OSBPL9: variants seen among roughly 807,000 people sequenced by gnomAD.
The protein encoded by OSBPL9 is oxysterol binding protein like 9, also known as oxysterol-binding protein-related protein 9.
Under a neutral mutation model 106.6 loss-of-function variants are expected in OSBPL9, and 40 were observed. The ratio of observed to expected loss-of-function variants is 0.38; its 90% CI spans 0.29 to 0.49. The LOEUF is 0.49. OSBPL9 is among the 20% of genes least tolerant of loss of function. The pLI, the probability that OSBPL9 is intolerant of heterozygous loss-of-function variation, is 0.97. For missense variants in OSBPL9, 609 were observed against 887.2 expected, an observed-to-expected ratio of 0.69 and a Z score of 3.98; for synonymous variants, 269 against 295.4, an observed-to-expected ratio of 0.91 and a Z score of 0.92.
intron 3 of OSBPL9, among the ~76,000 whole-genome samples, chr1:51,690,355 A>G (rs769271073): frequency 2.0e-4 from 30 of 152,236 alleles, no homozygotes; most frequent in Non-Finnish European, 4.0e-4. Flanking sequence ...GTTGCCCACT[A>G]CAGTGCTGAC....
intron 4 of OSBPL9, among the ~76,000 whole-genome samples, chr1:51,733,385 C>T (rs1367954381): frequency 1.3e-5 from 2 of 152,100 alleles, no homozygotes; most frequent in African/African-American, 4.8e-5. Context: ...AGGTTTTTCC[C>T]TGTGAGTTAA....
In OSBPL9 at chr1:51,653,987, G is replaced by A. The variant is rs528366982; in HGVS notation, c.162+1946G>A. On this transcript the variant is annotated intron_variant, in intron 2 of 23. Coordinates refer to ENST00000428468, the MANE Select transcript of OSBPL9 (RefSeq NM_024586.6). ...ACTGCCTTCCAGCCTGGGTGACAGAGTGAGACCCTGAGACCCTATCTGAAA... is the reference window on the plus strand; with the variant it reads ...ACTGCCTTCCAGCCTGGGTGACAGAATGAGACCCTGAGACCCTATCTGAAA... Among the ~76,000 whole-genome samples the A allele has an allele frequency of 1.4e-4, 21 of 151,572 alleles. 1 individual carries two copies. The South Asian group carries it at 4.4e-3, about 32-fold the overall frequency.
intron 3 of OSBPL9, among the ~76,000 whole-genome samples, chr1:51,695,448 C>T (rs1254382274): frequency 2.0e-5 from 3 of 152,166 alleles, no homozygotes; most frequent in South Asian, 2.1e-4. Context: ...CCTTATTTCC[C>T]CTGATTTTCA....
chr1:51,711,844 C>T (rs1380423862), intron 3 of OSBPL9, among the ~76,000 whole-genome samples: 1 of 151,222 alleles, frequency 6.6e-6, no homozygotes, highest in Non-Finnish European at 1.5e-5. Flanking sequence ...TCCTCACTTC[C>T]TAGATGTGAT....
At chr1:51,572,519 G>A (rs1261581220), upstream of OSBPL9, among the ~76,000 whole-genome samples, 1 of 152,166 alleles carries the variant, frequency 6.6e-6, no homozygotes, top group Admixed American at 6.6e-5. Context: ...ACATTTGGAT[G>A]TTATACAGTG....
At chr1:51,624,006 C>T (rs953088631) in intron 1 of OSBPL9, among the ~76,000 whole-genome samples, 1 of 152,008 alleles carries the variant, frequency 6.6e-6, no homozygotes, top group Non-Finnish European at 1.5e-5. Flanking sequence ...CCACCTCCAC[C>T]TCCTGGGTAG....
intron 14 of OSBPL9, among the ~76,000 whole-genome samples, chr1:51,775,186 G>T (rs979536959): frequency 3.3e-5 from 5 of 152,096 alleles, no homozygotes; most frequent in African/African-American, 1.2e-4. Context: ...TTTAAATGCT[G>T]AGAGTCTGAT....
chr1:51,610,399 T>C (rs962892065), intron 2 of OSBPL9, among the ~76,000 whole-genome samples: 1 of 152,132 alleles, frequency 6.6e-6, no homozygotes, highest in Non-Finnish European at 1.5e-5. Context: ...TAGCTGGGAT[T>C]ATAGGCGTGC....
chr1:51,631,036 T>C (rs1473840014), intron 1 of OSBPL9, among the ~76,000 whole-genome samples: 1 of 152,156 alleles, frequency 6.6e-6, no homozygotes, highest in African/African-American at 2.4e-5. Context: ...GTAAAGAAAG[T>C]TTGACACGAG....
At chr1:51,526,935 G>A in the OSBPL9 span, among the ~76,000 whole-genome samples, 4 of 151,842 alleles carry the variant, frequency 2.6e-5, no homozygotes, top group East Asian at 1.9e-4. Flanking sequence ...TAGTAGAGAC[G>A]GGGTTTCACC....
chr1:51,659,157 A>G (rs1045945918), intron 2 of OSBPL9, among the ~76,000 whole-genome samples: 5 of 152,178 alleles, frequency 3.3e-5, no homozygotes, highest in African/African-American at 1.2e-4. Flanking sequence ...CAGAATTAAT[A>G]TCAGACATAG....
chr1:51,654,138 T>C (rs1168095488), intron 2 of OSBPL9, among the ~76,000 whole-genome samples: 1 of 152,168 alleles, frequency 6.6e-6, no homozygotes, highest in East Asian at 1.9e-4. Context: ...TGCTGCAAAT[T>C]GGCAGCTGGA....
At chr1:51,553,919 T>A in the OSBPL9 span, among the ~76,000 whole-genome samples, 1 of 152,152 alleles carries the variant, frequency 6.6e-6, no homozygotes, top group South Asian at 2.1e-4. Flanking sequence ...CCTCAGGTGA[T>A]CCACCCGCCT....
At chr1:51,600,364 C>G (rs1184547446) in intron 2 of OSBPL9, among the ~76,000 whole-genome samples, 3 of 152,146 alleles carry the variant, frequency 2.0e-5, no homozygotes, top group Non-Finnish European at 4.4e-5. Context: ...ATCCTGAGTT[C>G]ATTGAGGCCA....
chr1:51,673,242 A>G (rs1044652649), intron 3 of OSBPL9, among the ~76,000 whole-genome samples: 1 of 152,226 alleles, frequency 6.6e-6, no homozygotes, highest in Non-Finnish European at 1.5e-5. Flanking sequence ...TGACAGATCA[A>G]ATAAGATGAG....
chr1:51,655,923 A>G (rs1240792479), intron 2 of OSBPL9, among the ~76,000 whole-genome samples: 7 of 152,258 alleles, frequency 4.6e-5, no homozygotes. Context: ...CGTGCATTTT[A>G]CTAGGCTTTG....
Position 51,775,652 on chromosome 1 carries a change from C to T in OSBPL9, c.1171-1181C>T, listed in dbSNP as rs1166501423. ...TAGAGATGGGGTCTTGCTCTGTCAC[C>T]CAGGCTGGAGTATAGTGGTGCAATC... On this transcript the variant is annotated intron_variant, in intron 14 of 23. Transcript: ENST00000428468. Among the ~76,000 whole-genome samples, 11 of 152,036 alleles carry T rather than the reference C, an allele frequency of 7.2e-5. No homozygotes were observed. In the East Asian group the frequency reaches 1.9e-3, roughly 27 times the overall value.
chr1:51,520,822 C>T, the OSBPL9 span, among the ~76,000 whole-genome samples: 5 of 152,258 alleles, frequency 3.3e-5, no homozygotes, highest in African/African-American at 1.2e-4. Flanking sequence ...CAAAGGCCAG[C>T]TAACAAGAGC....
chr1:51,655,114 A>G (rs912134686), intron 2 of OSBPL9, among the ~76,000 whole-genome samples: 3 of 152,154 alleles, frequency 2.0e-5, no homozygotes, highest in Admixed American at 1.3e-4. Context: ...ACACACAAAA[A>G]CACCCATATA....
Sources: allele counts gnomAD v4.1 joint callset (sites outside exome capture counted in the v4.1 genomes callset), GRCh38; gene constraint gnomAD v4.1.1; transcripts MANE v1.5; gene names NCBI Gene and HGNC (gene_info 2026-07-23, HGNC 2026-07-21).